FAM47E: variants seen among roughly 807,000 people sequenced by gnomAD.
FAM47E encodes family with sequence similarity 47 member E, also known as protein FAM47E.
In FAM47E, 32 loss-of-function variants were observed where a neutral mutation model predicts 41.6. The observed-to-expected ratio is 0.77, with a 90% CI of 0.58 to 1.03. The LOEUF (loss-of-function observed/expected upper bound fraction) is 1.03, where lower values mean the gene tolerates loss of function less well. Ranked by LOEUF, FAM47E falls within the 50% of genes least tolerant of loss-of-function variation. FAM47E has a pLI of 0.00. For missense variants in FAM47E, 424 were observed against 485.4 expected, an observed-to-expected ratio of 0.87 and a Z score of 1.19; for synonymous variants, 184 against 188.7, an observed-to-expected ratio of 0.98 and a Z score of 0.20.
intron 2 of FAM47E, among the ~76,000 whole-genome samples, chr4:76,224,781 G>T (rs117400308): frequency 2.0e-5 from 3 of 151,920 alleles, no homozygotes; most frequent in East Asian, 1.9e-4. Flanking sequence ...AGTTTTTGGG[G>T]AACAGGTGGT....
upstream of FAM47E, among the ~76,000 whole-genome samples, chr4:76,248,059 C>T (rs565247774): frequency 4.6e-5 from 7 of 151,564 alleles, no homozygotes; most frequent in East Asian, 5.8e-4. Context: ...GGACTACAGG[C>T]GCCCACCACC....
chr4:76,258,408 A>G (rs1005997651), intron 2 of FAM47E, among the ~76,000 whole-genome samples: 2 of 152,174 alleles, frequency 1.3e-5, no homozygotes, highest in African/African-American at 4.8e-5. Context: ...CAGACCATGC[A>G]GGTTGAGAGT....
chr4:76,218,253 CAT>C (rs1461277016), intron 2 of FAM47E, among the ~76,000 whole-genome samples: 1 of 152,200 alleles, frequency 6.6e-6, no homozygotes, highest in African/African-American at 2.4e-5. Flanking sequence ...AGTGATTTGA[CAT>C]ATGTTATTCC....
intron 1 of FAM47E, chr4:76,214,464 G>A (rs1434119867): frequency 5.4e-6 from 2 of 368,004 alleles, no homozygotes; most frequent in South Asian, 2.0e-5. Flanking sequence ...AAAACCTGTA[G>A]GAAGCAAGAA....
At chr4:76,252,997 C>T (rs1734037965) in intron 1 of FAM47E, among the ~76,000 whole-genome samples, 1 of 152,228 alleles carries the variant, frequency 6.6e-6, no homozygotes, top group African/African-American at 2.4e-5. Context: ...TCCTTCCCCA[C>T]AGAGGAACTC....
chr4:76,226,145 T>C (rs1560728863), intron 2 of FAM47E, among the ~76,000 whole-genome samples: 1 of 152,240 alleles, frequency 6.6e-6, no homozygotes, highest in Middle Eastern at 3.4e-3. Context: ...TAAGAGTACA[T>C]ACGGTGGGTC....
intron 5 of FAM47E, among the ~76,000 whole-genome samples, chr4:76,276,027 CAGACAG>C (rs1735083180): frequency 1.1e-5 from 1 of 90,498 alleles, no homozygotes; most frequent in African/African-American, 4.7e-5. Context: ...GACAGACAGA[CAGACAG>C]ACAGACACAC....
At chr4:76,253,823 AAG>A (rs1734073756) in intron 1 of FAM47E, among the ~76,000 whole-genome samples, 1 of 146,828 alleles carries the variant, frequency 6.8e-6, no homozygotes, top group Non-Finnish European at 1.5e-5. Flanking sequence ...AAAAAAAAGA[AAG>A]GAAAGAAATG....
At chr4:76,262,553 T>C (rs1197165302) in intron 2 of FAM47E, among the ~76,000 whole-genome samples, 1 of 152,234 alleles carries the variant, frequency 6.6e-6, no homozygotes, top group African/African-American at 2.4e-5. Flanking sequence ...ATTCATTTCA[T>C]GCCTTTTTTG....
At chr4:76,235,863 C>T (rs1733578264) in intron 2 of FAM47E, among the ~76,000 whole-genome samples, 1 of 152,234 alleles carries the variant, frequency 6.6e-6, no homozygotes, top group Non-Finnish European at 1.5e-5. Flanking sequence ...TTAATCCTCT[C>T]ACAATCTGAT....
At chr4:76,264,332 G>T (rs566175715) in intron 3 of FAM47E, among the ~76,000 whole-genome samples, 15 of 152,018 alleles carry the variant, frequency 9.9e-5, no homozygotes, top group Admixed American at 2.0e-4. Context: ...GAGCAGCTGG[G>T]ACTTCAGGTA....
intron 4 of FAM47E, among the ~76,000 whole-genome samples, chr4:76,270,877 T>C (rs1734857004): frequency 6.6e-6 from 1 of 152,176 alleles, no homozygotes; most frequent in African/African-American, 2.4e-5. Context: ...ATTATTACGT[T>C]AGCCTCGTTT....
intron 3 of FAM47E, among the ~76,000 whole-genome samples, chr4:76,266,357 T>C (rs1734635097): frequency 2.0e-5 from 3 of 152,228 alleles, no homozygotes; most frequent in Admixed American, 1.3e-4. Flanking sequence ...ACTGAACTCT[T>C]GTTTTCTCCC....
intron 2 of FAM47E, among the ~76,000 whole-genome samples, chr4:76,244,001 T>C (rs1733766257): frequency 6.6e-6 from 1 of 152,252 alleles, no homozygotes; most frequent in Non-Finnish European, 1.5e-5. Context: ...TGTTTGGTTT[T>C]CTGTTCTTGT....
chr4:76,214,613 C>A (rs1189046446), intron 1 of FAM47E, among the ~76,000 whole-genome samples: 1 of 152,156 alleles, frequency 6.6e-6, no homozygotes, highest in Non-Finnish European at 1.5e-5. Context: ...AAGCAGGCAT[C>A]GCTGGTGTTC....
At chr4:76,226,407 G>GA (rs1733399304) in intron 2 of FAM47E, among the ~76,000 whole-genome samples, 1 of 152,180 alleles carries the variant, frequency 6.6e-6, no homozygotes, top group Admixed American at 6.5e-5. Context: ...ATCAATTTAT[G>GA]ATTTTGGGAG....
At position 76,280,087 on chromosome 4, in the gene FAM47E, A is replaced by G. The variant is rs1024109591; in HGVS notation, c.1027-177A>G. On this transcript the variant is annotated intron_variant, in intron 6 of 7. Coordinates refer to ENST00000424749, the MANE Select transcript of FAM47E (RefSeq NM_001136570.3). ...CTAGGGGAAGGAGAGAAAGCTGGAC[A>G]TCTTTAAAAGCCTTCATATTCATCA... is the stretch of plus-strand genomic sequence containing the variant. 3 of 467,556 alleles carry G rather than the reference A, an allele frequency of 6.4e-6. No individual in the cohort carries two copies. In the Admixed American group the frequency reaches 1.2e-4, roughly 18 times the overall value. The allele number at this position is 467,556 out of a possible 1,614,324, so 29.0% of individuals were successfully genotyped here. A position where few individuals can be genotyped will look rare whatever the true frequency, so the allele number is the denominator to read the frequency against.
At chr4:76,233,496 C>G (rs1733527739) in intron 2 of FAM47E, among the ~76,000 whole-genome samples, 1 of 152,044 alleles carries the variant, frequency 6.6e-6, no homozygotes, top group Non-Finnish European at 1.5e-5. Flanking sequence ...CAGCTTTTAT[C>G]TTCCCTTAAA....
At chr4:76,216,852 A>T (rs981010326) in intron 1 of FAM47E, among the ~76,000 whole-genome samples, 1 of 152,250 alleles carries the variant, frequency 6.6e-6, no homozygotes, top group Non-Finnish European at 1.5e-5. Context: ...TACAGAAAAT[A>T]TAAACAGCTT....
Sources: allele counts gnomAD v4.1 joint callset (sites outside exome capture counted in the v4.1 genomes callset), GRCh38; gene constraint gnomAD v4.1.1; transcripts MANE v1.5; gene names NCBI Gene and HGNC (gene_info 2026-07-23, HGNC 2026-07-21).